PIGV: variants seen among roughly 807,000 people sequenced by gnomAD.
PIGV encodes the protein GPI alpha-1,6-mannosyltransferase 2.
Under a neutral mutation model 39.2 loss-of-function variants are expected in PIGV, and 27 were observed. That is an observed-to-expected ratio of 0.69 (90% confidence interval 0.51 to 0.95). The LOEUF is 0.95. Ranked by LOEUF, PIGV falls within the 40% of genes least tolerant of loss-of-function variation. PIGV has a pLI of 0.00. For missense variants in PIGV, 523 were observed against 586.4 expected (o/e 0.89, Z 1.12); for synonymous variants, 232 against 241.7 (o/e 0.96, Z 0.37).
chr1:26,791,029 G>A, intron 2 of PIGV, 136 bp downstream of exon 2: 1 of 710,968 alleles, frequency 1.4e-6, no homozygotes, highest in Non-Finnish European at 2.5e-6. Context: ...ATAGACTTTA[G>A]AGCTGAAAAG....
At chr1:26,791,626 C>A (rs1557626804) in intron 2 of PIGV, among the ~76,000 whole-genome samples, 1 of 152,122 alleles carries the variant, frequency 6.6e-6, no homozygotes, top group Non-Finnish European at 1.5e-5. Context: ...ATCCCTGTAC[C>A]ATTCTCTCTG....
chr1:26,795,276 C>A (rs2081366799), intron 3 of PIGV, 42 bp downstream of exon 3: 3 of 1,609,870 alleles, frequency 1.9e-6, no homozygotes, highest in African/African-American at 1.3e-5. Context: ...TGAATACAGG[C>A]AAAACCCCTT....
intron 2 of PIGV, among the ~76,000 whole-genome samples, chr1:26,792,291 G>A (rs1399644000): frequency 6.7e-6 from 1 of 150,184 alleles, no homozygotes; most frequent in South Asian, 2.1e-4. Flanking sequence ...TAGCTGAGGC[G>A]CCCGCCACCA....
At chr1:26,790,600 C>T (rs1486002457) in intron 1 of PIGV, among the ~76,000 whole-genome samples, 159 bp from the exon 2 acceptor site, 1 of 152,210 alleles carries the variant, frequency 6.6e-6, no homozygotes, top group African/African-American at 2.4e-5. Flanking sequence ...GTGACACCTA[C>T]TGAACCCATT....
chr1:26,798,843 T>C lies in PIGV; in HGVS notation c.*999T>C, dbSNP rs776004495. Reference sequence around the variant, plus strand: ...AGGCATCAGGAACCCTGGATTCTAGTCCTCTCAGTAAAACCCCATTTACCA... The same window carrying C: ...AGGCATCAGGAACCCTGGATTCTAGCCCTCTCAGTAAAACCCCATTTACCA... On this transcript the variant is annotated 3_prime_UTR_variant, in exon 4 of 4. Transcript: ENST00000674202. 2.6e-5 allele frequency among the ~76,000 whole-genome samples: 4 copies of C among 152,234 alleles called. No homozygotes were observed. Among genetic ancestry groups the C allele is most frequent in the Admixed American group, 2.6e-4 (4 of 15,276 alleles).
In PIGV at chr1:26,795,040, A is replaced by G. The variant is rs758278375; in HGVS notation, c.1006A>G (p.Ile336Val). The G allele has an allele frequency of 6.8e-6, 11 of 1,613,978 alleles. No homozygotes were observed. The African/African-American group carries it at 9.3e-5, about 14-fold the overall frequency. The change falls in exon 3 of 4, where the codon ATA (isoleucine) becomes GTA (valine). Residue 336 changes from isoleucine to valine, a missense_variant. Ile to Val is a conservative substitution (Grantham distance 29, BLOSUM62 3). Coordinates refer to ENST00000674202, the MANE Select transcript of PIGV (RefSeq NM_017837.4). ...PNFLLAAPVA[I>V]LVAWATWTYV... is the part of the protein sequence containing the mutation. ...TTTTCTACTGGCTGCACCAGTGGCT[A>G]TACTGGTTGCCTGGGCAACTTGGAC...
chr1:26,797,607 G>T lies in PIGV; in HGVS notation c.1245G>T (p.Trp415Cys), dbSNP rs1009015375. The T allele has an allele frequency of 6.2e-7, 1 of 1,613,988 alleles. No homozygotes were observed. Among genetic ancestry groups the T allele is most frequent in the Non-Finnish European group, 8.5e-7 (1 of 1,179,976 alleles). Residue 415 changes from tryptophan to cysteine, a missense_variant, in exon 4 of 4, where the codon TGG (tryptophan) becomes TGT (cysteine). By Grantham distance (215) the Trp-to-Cys change is radical. Transcript: ENST00000674202. Reference protein sequence around the residue: ...FLGSSTPIMYWFPAHLLQDQE... With the variant: ...FLGSSTPIMYCFPAHLLQDQE... ...GCTCCTCCACTCCTATTATGTACTG[G>T]TTTCCAGCTCACTTGCTTCAGGATC...
intron 3 of PIGV, 29 bp from the exon 4 acceptor site, chr1:26,797,534 T>C (rs1368160026): frequency 6.2e-7 from 1 of 1,605,154 alleles, no homozygotes; most frequent in Non-Finnish European, 8.5e-7. Context: ...CCAGTAAATG[T>C]CTGGATATTC....
At position 26,790,791 on chromosome 1, in the gene PIGV, C is replaced by T; in HGVS notation, c.-25C>T. On this transcript the variant is annotated 5_prime_UTR_variant, in exon 2 of 4. Coordinates refer to ENST00000674202, the MANE Select transcript of PIGV (RefSeq NM_017837.4). ...AGGGAGCTCAATCCTGGTAGCAACA[C>T]CCCTGAATTCCTGGTGGTGAAAGGA... The T allele has an allele frequency of 3.7e-6, 6 of 1,603,372 alleles. No individual in the cohort carries two copies. The highest frequency in any genetic ancestry group is 5.1e-6 in the Non-Finnish European group (6 of 1,170,224).
upstream of PIGV, among the ~76,000 whole-genome samples, chr1:26,787,165 ATC>A (rs1440084068): frequency 3.3e-5 from 5 of 152,218 alleles, no homozygotes; most frequent in Admixed American, 6.5e-5. Flanking sequence ...AGGATTTATC[ATC>A]TGTTTCCTTT....
intron 3 of PIGV, among the ~76,000 whole-genome samples, chr1:26,797,352 A>G (rs571510722): frequency 4.2e-4 from 64 of 152,304 alleles, no homozygotes; most frequent in African/African-American, 1.5e-3. Context: ...GTCTGTAGCT[A>G]TGTTTATTTG....
At position 26,792,484 on chromosome 1, in the gene PIGV, C is replaced by T. The variant is rs556862988; in HGVS notation, c.78+1591C>T. On this transcript the variant is annotated intron_variant, in intron 2 of 3. Coordinates refer to ENST00000674202, the MANE Select transcript of PIGV (RefSeq NM_017837.4). Reference sequence around the variant, plus strand: ...CTGGGACTACAGGCGCCCGCCACCGCGCCCGGCTAATTTTTTGTATTTTTA... The same window carrying T: ...CTGGGACTACAGGCGCCCGCCACCGTGCCCGGCTAATTTTTTGTATTTTTA... 5.3e-5 allele frequency among the ~76,000 whole-genome samples: 8 copies of T among 152,232 alleles called. No homozygotes were observed. The East Asian group carries it at 5.8e-4, about 11-fold the overall frequency.
rs913708158 is a variant in PIGV at position 26,794,616 on chromosome 1, C to T, written c.582C>T (p.Leu194=). Residue 194 remains leucine (L), a synonymous_variant, in exon 3 of 4, where the codon CTC becomes CTT. Coordinates refer to ENST00000674202, the MANE Select transcript of PIGV (RefSeq NM_017837.4). ...LERGRVWTSV[L]LFAFATGVRS... ...GGGGCCGAGTCTGGACTAGTGTACTCCTCTTTGCCTTTGCCACTGGGGTAC... is the reference window on the plus strand; with the variant it reads ...GGGGCCGAGTCTGGACTAGTGTACTTCTCTTTGCCTTTGCCACTGGGGTAC... 1 of 1,614,226 alleles carries T rather than the reference C, an allele frequency of 6.2e-7. No individual in the cohort carries two copies. The highest frequency in any genetic ancestry group is 8.5e-7 in the Non-Finnish European group (1 of 1,180,036).
rs1198990638 is a variant in PIGV at position 26,797,628 on chromosome 1, G to A, written c.1266G>A (p.Gln422=). ...ACTGGTTTCCAGCTCACTTGCTTCA[G>A]GATCAAGAGCCGCTGTTGAGATCCT... ...IMYWFPAHLL[Q]DQEPLLRSLK... is the part of the protein sequence containing the mutation. Residue 422 remains glutamine (Q), a synonymous_variant, in exon 4 of 4, where the codon CAG becomes CAA. Transcript: ENST00000674202. 6.2e-7 allele frequency: 1 copy of A among 1,614,004 alleles called. No individual in the cohort carries two copies. Among genetic ancestry groups the A allele is most frequent in the Non-Finnish European group, 8.5e-7 (1 of 1,180,006 alleles).
At chr1:26,791,018 C>A in intron 2 of PIGV, 125 bp downstream of exon 2, 1 of 778,090 alleles carries the variant, frequency 1.3e-6, no homozygotes, top group Non-Finnish European at 2.2e-6. Context: ...ACCACAGAGA[C>A]ATAGACTTTA....
In PIGV at chr1:26,800,018, G is replaced by A. The variant is rs540051137; in HGVS notation, c.*2174G>A. Among the ~76,000 whole-genome samples the A allele has an allele frequency of 1.3e-5, 2 of 152,240 alleles. No homozygotes were observed. The highest frequency in any genetic ancestry group is 4.1e-4 in the South Asian group (2 of 4,822). On this transcript the variant is annotated 3_prime_UTR_variant, in exon 4 of 4. Transcript: ENST00000674202. ...AATCAGGACTGATTATTCCTCTACT[G>A]GAAGAGGTGACTCAGACCCCACAGA...
At chr1:26,790,989 G>T (rs1336875837) in intron 2 of PIGV, 96 bp downstream of exon 2, 22 of 1,019,244 alleles carry the variant, frequency 2.2e-5, no homozygotes, top group Non-Finnish European at 3.2e-5. Context: ...TCTCAGGTGT[G>T]CCCCTCCATG....
Position 26,797,610 on chromosome 1 carries a change from T to G in PIGV, c.1248T>G (p.Phe416Leu). The G allele has an allele frequency of 6.2e-7, 1 of 1,614,168 alleles. No individual in the cohort carries two copies. The highest frequency in any genetic ancestry group is 8.5e-7 in the Non-Finnish European group (1 of 1,179,998). Reference sequence around the variant, plus strand: ...CCTCCACTCCTATTATGTACTGGTTTCCAGCTCACTTGCTTCAGGATCAAG... The same window carrying G: ...CCTCCACTCCTATTATGTACTGGTTGCCAGCTCACTTGCTTCAGGATCAAG... Reference protein sequence around the residue: ...LGSSTPIMYWFPAHLLQDQEP... With the variant: ...LGSSTPIMYWLPAHLLQDQEP... Residue 416 changes from phenylalanine to leucine, a missense_variant, in exon 4 of 4, where the codon TTT (phenylalanine) becomes TTG (leucine). Physicochemically the swap from Phe to Leu is conservative, Grantham distance 22. Transcript: ENST00000674202.
Position 26,795,185 on chromosome 1 carries a change from T to C in PIGV, c.1151T>C (p.Val384Ala), listed in dbSNP as rs2124197826. 2 of 1,613,962 alleles carry C rather than the reference T, an allele frequency of 1.2e-6. No homozygotes were observed. The highest frequency in any genetic ancestry group is 1.3e-5 in the African/African-American group (1 of 75,028). Reference protein sequence around the residue: ...FLSPQVFVYVVHAAVLLLFGG... With the variant: ...FLSPQVFVYVAHAAVLLLFGG... ...AGTCCTCAGGTGTTTGTGTACGTGG[T>C]CCACGCTGCAGTGCTGCTGCTGTTT... The change falls in exon 3 of 4, where the codon GTC becomes GCC. Residue 384 changes from valine (V) to alanine (A), a missense_variant. Coordinates refer to ENST00000674202, the MANE Select transcript of PIGV (RefSeq NM_017837.4).
Sources: allele counts gnomAD v4.1 joint callset (sites outside exome capture counted in the v4.1 genomes callset), GRCh38; gene constraint gnomAD v4.1.1; transcripts MANE v1.5; gene names NCBI Gene and HGNC (gene_info 2026-07-23, HGNC 2026-07-21).